The following FRMD5 variants were observed in gnomAD, a reference collection of about 807,000 sequenced individuals.
The protein encoded by FRMD5 is FERM domain containing 5.
FRMD5 carries 20 observed loss-of-function variants against 69.0 expected under a neutral mutation model. That is an observed-to-expected ratio of 0.29 (90% CI 0.20 to 0.42). The LOEUF (loss-of-function observed/expected upper bound fraction) is 0.42. Among genes scored for constraint, FRMD5 ranks in the 10% least tolerant of loss-of-function variants. The pLI is 1.00. For synonymous variants in FRMD5, 271 were observed against 260.1 expected, an observed-to-expected ratio of 1.04 and a Z score of -0.40; for missense variants, 595 against 708.6, an observed-to-expected ratio of 0.84 and a Z score of 1.82.
Position 43,877,933 on chromosome 15 carries a change from G to A in FRMD5, c.1136-3471C>T, listed in dbSNP as rs1450378684. Among the ~76,000 whole-genome samples the A allele has an allele frequency of 6.6e-5, 10 of 152,306 alleles. No homozygotes were observed. The East Asian group carries it at 1.2e-3, about 18-fold the overall frequency. On this transcript the variant is annotated intron_variant, in intron 13 of 13. Transcript: ENST00000417257. ...TTGTCAACAGGTTCCTGGAAACCAT[G>A]ACTTTAAGCCAAATGATGTTACAGC...
chr15:44,010,733 T>C (rs1408283534), intron 1 of FRMD5, among the ~76,000 whole-genome samples: 1 of 152,064 alleles, frequency 6.6e-6, no homozygotes, highest in Non-Finnish European at 1.5e-5. Context: ...TTCTTGACAA[T>C]GGAATGGATT....
chr15:43,931,712 TTTGA>T (rs2089679420), intron 1 of FRMD5, among the ~76,000 whole-genome samples: 1 of 152,152 alleles, frequency 6.6e-6, no homozygotes, highest in Non-Finnish European at 1.5e-5. Context: ...CTCATAACTC[TTTGA>T]TTATTTCCCT....
intron 1 of FRMD5, among the ~76,000 whole-genome samples, chr15:43,967,682 C>A (rs2090316143): frequency 1.3e-5 from 2 of 152,004 alleles, no homozygotes; most frequent in Admixed American, 6.6e-5. Flanking sequence ...AGATTGAGAC[C>A]TGTATATAAT....
chr15:44,156,907 T>C (rs1030935565), intron 1 of FRMD5, among the ~76,000 whole-genome samples: 2 of 152,042 alleles, frequency 1.3e-5, no homozygotes, highest in African/African-American at 4.8e-5. Flanking sequence ...TCCCAAAATA[T>C]ATATATATAA....
intron 1 of FRMD5, among the ~76,000 whole-genome samples, chr15:44,159,814 G>A (rs1328413366): frequency 6.6e-6 from 1 of 152,228 alleles, no homozygotes; most frequent in Non-Finnish European, 1.5e-5. Flanking sequence ...ACAAATAGCA[G>A]CTGAGATTTA....
intron 1 of FRMD5, among the ~76,000 whole-genome samples, chr15:44,186,467 G>A (rs1323902417): frequency 2.6e-5 from 4 of 152,178 alleles, no homozygotes; most frequent in Non-Finnish European, 4.4e-5. Flanking sequence ...CCTGACTAAG[G>A]AGTGCCTGGA....
intron 13 of FRMD5, 80 bp from the exon 14 acceptor site, chr15:43,874,542 G>T (rs1355337727): frequency 9.5e-7 from 1 of 1,056,952 alleles, no homozygotes; most frequent in Non-Finnish European, 1.4e-6. Flanking sequence ...GTGTTTTATT[G>T]GGTACCATTC....
At chr15:44,025,535 C>A (rs16958670) in intron 1 of FRMD5, among the ~76,000 whole-genome samples, 5,867 of 152,174 alleles carry the variant, frequency 0.039, 343 homozygotes, top group African/African-American at 0.12. Flanking sequence ...AGTAAGTCAA[C>A]ATCAGAAGCA....
At chr15:43,892,901 C>T (rs888023333) in intron 7 of FRMD5, among the ~76,000 whole-genome samples, 5 of 152,054 alleles carry the variant, frequency 3.3e-5, no homozygotes, top group Admixed American at 6.5e-5. Flanking sequence ...GTCAGGAGTT[C>T]GAGACCAGCC....
intron 1 of FRMD5, among the ~76,000 whole-genome samples, chr15:44,006,229 C>T (rs985821401): frequency 8.5e-5 from 13 of 152,108 alleles, no homozygotes; most frequent in Admixed American, 3.9e-4. Flanking sequence ...ATAAATGAAA[C>T]AACAAAGCAT....
At position 44,146,543 on chromosome 15, in the gene FRMD5, T is replaced by G. The variant is rs561351419; in HGVS notation, c.102+48410A>C. 1.4e-3 allele frequency among the ~76,000 whole-genome samples: 219 copies of G among 152,354 alleles called. 2 individuals carry two copies. Among genetic ancestry groups the G allele is most frequent in the African/African-American group, 5.1e-3 (211 of 41,588 alleles). On this transcript the variant is annotated intron_variant, in intron 1 of 13. Coordinates refer to ENST00000417257, the MANE Select transcript of FRMD5 (RefSeq NM_032892.5). ...GGATTGCTGGGTCAAATGGTATTTCTGGCTCTAGGTCTTTGAGGAATTGCC... is the reference window on the plus strand; with the variant it reads ...GGATTGCTGGGTCAAATGGTATTTCGGGCTCTAGGTCTTTGAGGAATTGCC...
In FRMD5 at chr15:44,062,072, C is replaced by T. The variant is rs979318860; in HGVS notation, c.102+132881G>A. On this transcript the variant is annotated intron_variant, in intron 1 of 13. Transcript: ENST00000417257. Reference sequence around the variant, plus strand: ...AGTGCAGGAAATACAATCTGAACAGCCTTGCTGCAACATATTTAGATAGTA... The same window carrying T: ...AGTGCAGGAAATACAATCTGAACAGTCTTGCTGCAACATATTTAGATAGTA... 6.6e-5 allele frequency among the ~76,000 whole-genome samples: 10 copies of T among 152,308 alleles called. No homozygotes were observed. In the East Asian group the frequency reaches 1.9e-3, roughly 29 times the overall value.
chr15:43,957,154 G>A (rs973784701), intron 1 of FRMD5, among the ~76,000 whole-genome samples: 3 of 151,968 alleles, frequency 2.0e-5, no homozygotes, highest in Admixed American at 6.6e-5. Context: ...ACTGAGTGAG[G>A]TCATGTGTCA....
chr15:44,034,211 T>A (rs182861190), intron 1 of FRMD5, among the ~76,000 whole-genome samples: 255 of 152,336 alleles, frequency 1.7e-3, no homozygotes, highest in African/African-American at 4.9e-3. Context: ...GGTGTCTAAT[T>A]GAATGTTGTC....
At chr15:43,935,406 C>T (rs1174429151) in intron 1 of FRMD5, among the ~76,000 whole-genome samples, 2 of 152,196 alleles carry the variant, frequency 1.3e-5, no homozygotes, top group African/African-American at 4.8e-5. Flanking sequence ...GCTGCTTGAA[C>T]CCGAGAGGCA....
intron 1 of FRMD5, among the ~76,000 whole-genome samples, chr15:43,957,523 G>A (rs145738662): frequency 6.6e-6 from 1 of 152,316 alleles, no homozygotes; most frequent in East Asian, 1.9e-4. Flanking sequence ...TTAGTTAGGT[G>A]GCTAGAAAAT....
At chr15:44,198,930 G>T (rs767582831), upstream of FRMD5, among the ~76,000 whole-genome samples, 15 of 152,124 alleles carry the variant, frequency 9.9e-5, no homozygotes, top group Non-Finnish European at 1.9e-4. Context: ...CAAATTATCA[G>T]AATATCAGCC....
intron 1 of FRMD5, among the ~76,000 whole-genome samples, chr15:43,971,521 T>C (rs1329196562): frequency 1.4e-5 from 2 of 145,704 alleles, no homozygotes; most frequent in Admixed American, 7.0e-5. Context: ...CCATCTCTAC[T>C]AAAAATACAA....
chr15:44,010,165 C>T (rs1302509453), intron 1 of FRMD5, among the ~76,000 whole-genome samples: 1 of 152,210 alleles, frequency 6.6e-6, no homozygotes, highest in Non-Finnish European at 1.5e-5. Flanking sequence ...TGCATCTATT[C>T]TGCTGAGGGA....
Sources: gnomAD v4.1 joint callset for allele counts (sites outside exome capture counted in the v4.1 genomes callset) on GRCh38, gnomAD v4.1.1 for gene constraint, MANE v1.5 for transcripts, NCBI Gene and HGNC (gene_info 2026-07-23, HGNC 2026-07-21) for gene names.